The following HECTD2 variants were observed in gnomAD, a reference collection of about 807,000 sequenced individuals.
HECTD2 encodes the protein HECT domain E3 ubiquitin protein ligase 2.
A neutral mutation model predicts 103.2 loss-of-function variants in HECTD2; 35 were observed. The ratio of observed to expected loss-of-function variants is 0.34; its 90% CI spans 0.26 to 0.45. The LOEUF is 0.45. HECTD2 is among the 20% of genes least tolerant of loss of function. The probability of loss-of-function intolerance (pLI) is 1.00; values close to 1 mark genes in which losing one functional copy is unlikely to be tolerated. For missense variants in HECTD2, 596 were observed against 937.4 expected (o/e 0.64, Z 4.76); for synonymous variants, 281 against 329.9 (o/e 0.85, Z 1.61).
Position 91,512,523 on chromosome 10 carries a change from A to G in HECTD2, c.*139A>G, listed in dbSNP as rs1847463495. 8.8e-6 allele frequency: 7 copies of G among 798,208 alleles called. No individual in the cohort carries two copies. Among genetic ancestry groups the G allele is most frequent in the Middle Eastern group, 3.6e-4 (1 of 2,796 alleles). 49.4% of individuals were successfully genotyped at this position (798,208 alleles called of 1,614,324 possible). A position where few individuals can be genotyped will look rare whatever the true frequency, so the allele number is the denominator to read the frequency against. On this transcript the variant is annotated 3_prime_UTR_variant, in exon 21 of 21. Transcript: ENST00000298068. ...AAAATATTAAGTTTTTAAAAAATCA[A>G]ATATGAAGTATGTTCAGCAAAGGCA... is the stretch of plus-strand genomic sequence containing the variant.
In HECTD2 at chr10:91,410,521, A is replaced by G; in HGVS notation, c.83A>G (p.Glu28Gly). 6.8e-7 allele frequency: 1 copy of G among 1,479,796 alleles called. No individual in the cohort carries two copies. The highest frequency in any genetic ancestry group is 8.9e-7 in the Non-Finnish European group (1 of 1,119,752). 91.7% of individuals were successfully genotyped at this position (1,479,796 alleles called of 1,614,324 possible). Residue 28 changes from glutamate to glycine, a missense_variant, in exon 1 of 21, where the codon GAG becomes GGG. Around this residue, in one of 4 missense-constraint regions of HECTD2, gnomAD observed 220 missense variants for 233.9 expected, o/e 0.94. Transcript: ENST00000298068. ...APAPEERKGK[E>G]SEREKLPPIV... The stretch of plus-strand genomic sequence containing the variant: ...GCGCCTGAGGAGAGGAAAGGGAAGG[A>G]GTCAGAGCGCGAGAAGCTGCCGCCC...
intron 20 of HECTD2, among the ~76,000 whole-genome samples, chr10:91,508,574 A>T (rs1202003879): frequency 6.6e-6 from 1 of 150,416 alleles, no homozygotes; most frequent in African/African-American, 2.5e-5. Flanking sequence ...CCACAATGAG[A>T]TACCATCTCA....
chr10:91,425,341 A>G lies in HECTD2; in HGVS notation c.199A>G (p.Ser67Gly). The change falls in exon 2 of 21, where the codon AGC (serine) becomes GGC (glycine). Residue 67 changes from serine to glycine, a missense_variant. Around this residue, in one of 4 missense-constraint regions of HECTD2, gnomAD observed 220 missense variants for 233.9 expected, o/e 0.94. Transcript: ENST00000298068. The stretch of plus-strand genomic sequence containing the variant: ...TTTCAGCAGTTTTATTTCAGCTGTT[A>G]GCCCGAAGAAAGAAGCTGCTGAAAA... Reference protein sequence around the residue: ...STFSSFISAVSPKKEAAENRS... With the variant: ...STFSSFISAVGPKKEAAENRS... 6.4e-7 allele frequency: 1 copy of G among 1,551,914 alleles called. No individual in the cohort carries two copies. The highest frequency in any genetic ancestry group is 8.7e-7 in the Non-Finnish European group (1 of 1,142,950).
intron 1 of HECTD2, among the ~76,000 whole-genome samples, chr10:91,412,767 T>G (rs1228511289): frequency 1.3e-5 from 2 of 151,840 alleles, no homozygotes; most frequent in African/African-American, 2.4e-5. Context: ...GTAGAAAATC[T>G]ATGCTTGGTC....
chr10:91,481,442 A>G (rs1330289548), intron 7 of HECTD2, among the ~76,000 whole-genome samples: 1 of 151,788 alleles, frequency 6.6e-6, no homozygotes, highest in Non-Finnish European at 1.5e-5. Context: ...AGGAACAAAC[A>G]GAATGGAAGC....
At chr10:91,460,138 G>C (rs970483051) in intron 2 of HECTD2, among the ~76,000 whole-genome samples, 4 of 152,028 alleles carry the variant, frequency 2.6e-5, no homozygotes, top group Admixed American at 1.3e-4. Context: ...GGAAAGAAAT[G>C]CTAAATTACA....
intron 20 of HECTD2, among the ~76,000 whole-genome samples, chr10:91,511,797 C>G (rs1268963440): frequency 5.9e-5 from 9 of 152,142 alleles, no homozygotes; most frequent in Non-Finnish European, 1.3e-4. Flanking sequence ...AACAGGCCAC[C>G]AACAACCATA....
intron 2 of HECTD2, among the ~76,000 whole-genome samples, chr10:91,450,848 C>T (rs1243297768): frequency 6.6e-6 from 1 of 151,970 alleles, no homozygotes. Context: ...GAATGGTGAT[C>T]AGTAAAAAGT....
At chr10:91,489,700 TC>T (rs1361122692) in intron 11 of HECTD2, 1 of 152,206 alleles carries the variant, frequency 6.6e-6, no homozygotes, top group Non-Finnish European at 1.5e-5. Flanking sequence ...AATGCAGACT[TC>T]CTTGATAAGT....
At chr10:91,467,361 A>G (rs1210640110) in intron 5 of HECTD2, among the ~76,000 whole-genome samples, 1 of 152,122 alleles carries the variant, frequency 6.6e-6, no homozygotes, top group Non-Finnish European at 1.5e-5. Context: ...CCCATCCCTC[A>G]AGGCTCACTG....
intron 20 of HECTD2, among the ~76,000 whole-genome samples, chr10:91,511,670 T>G (rs1847423283): frequency 6.6e-6 from 1 of 152,090 alleles, no homozygotes; most frequent in South Asian, 2.1e-4. Context: ...CACGTGCAGT[T>G]CACAATAGGG....
intron 10 of HECTD2, chr10:91,486,515 C>T (rs1846272890): frequency 6.6e-6 from 1 of 152,140 alleles, no homozygotes; most frequent in African/African-American, 2.4e-5. Context: ...ATCCTAGGAT[C>T]CTGTCAACCC....
At chr10:91,493,639 G>T in intron 14 of HECTD2, 131 bp downstream of exon 14, 1 of 513,808 alleles carries the variant, frequency 1.9e-6, no homozygotes. Context: ...TGTACTATTA[G>T]ATTTTCAGTA....
intron 1 of HECTD2, among the ~76,000 whole-genome samples, chr10:91,412,134 C>T (rs1842934896): frequency 6.6e-6 from 1 of 152,150 alleles, no homozygotes; most frequent in Admixed American, 6.5e-5. Context: ...ATTTAATACC[C>T]ACAGTAAGGT....
At chr10:91,435,857 T>C (rs1265871851) in intron 2 of HECTD2, among the ~76,000 whole-genome samples, 1 of 151,952 alleles carries the variant, frequency 6.6e-6, no homozygotes, top group Non-Finnish European at 1.5e-5. Flanking sequence ...GATCTCCTGT[T>C]ATTCAAAAGC....
At chr10:91,465,332 G>A (rs1044214417) in intron 5 of HECTD2, among the ~76,000 whole-genome samples, 3 of 152,296 alleles carry the variant, frequency 2.0e-5, no homozygotes, top group South Asian at 4.1e-4. Flanking sequence ...GTGTGTGCAT[G>A]CGAGTGTGTA....
chr10:91,454,198 C>T (rs1459502948), intron 2 of HECTD2, among the ~76,000 whole-genome samples: 2 of 152,066 alleles, frequency 1.3e-5, no homozygotes, highest in African/African-American at 2.4e-5. Flanking sequence ...ATTTACAGCA[C>T]GCTCTACTCA....
intron 5 of HECTD2, chr10:91,462,417 A>G (rs1466906033): frequency 3.2e-6 from 4 of 1,231,930 alleles, no homozygotes; most frequent in Admixed American, 8.3e-5. Flanking sequence ...AAGACTTGCT[A>G]AAATCATGCT....
In HECTD2 at chr10:91,410,401, C is replaced by T. The variant is rs1178538160; in HGVS notation, c.-38C>T. The stretch of plus-strand genomic sequence containing the variant: ...GCGCCAGCCCCAGCAACACTGAGGC[C>T]GCCGCCGCCGCCTGGCGCTCCCGCC... On this transcript the variant is annotated 5_prime_UTR_variant, in exon 1 of 21. Transcript: ENST00000298068. 3 of 1,277,206 alleles carry T rather than the reference C, an allele frequency of 2.3e-6. No homozygotes were observed. Among genetic ancestry groups the T allele is most frequent in the Non-Finnish European group, 3.0e-6 (3 of 998,908 alleles). The allele number at this position is 1,277,206 out of a possible 1,614,324, so 79.1% of individuals were successfully genotyped here.
Sources: allele counts gnomAD v4.1 joint callset (sites outside exome capture counted in the v4.1 genomes callset), GRCh38; gene constraint gnomAD v4.1.1; regional missense constraint gnomAD v4.1.1; transcripts MANE v1.5; gene names NCBI Gene and HGNC (gene_info 2026-07-23, HGNC 2026-07-21).